ZBBX: variants seen among roughly 807,000 people sequenced by gnomAD.
The protein encoded by ZBBX is zinc finger B-box domain containing, also known as zinc finger B-box domain-containing protein 1.
In ZBBX, 101 loss-of-function variants were observed where a neutral mutation model predicts 108.5. That is an observed-to-expected ratio of 0.93 (90% CI 0.79 to 1.10). The LOEUF (loss-of-function observed/expected upper bound fraction) is 1.10. ZBBX is among the 50% of genes least tolerant of loss of function. ZBBX has a pLI of 0.00. For synonymous variants in ZBBX, 356 were observed against 323.4 expected (o/e 1.10, Z -1.08); for missense variants, 1,009 against 941.4 (o/e 1.07, Z -0.94).
chr3:167,382,586 G>A (rs1747788937), upstream of ZBBX, among the ~76,000 whole-genome samples: 1 of 152,056 alleles, frequency 6.6e-6, no homozygotes, highest in Non-Finnish European at 1.5e-5. Context: ...AGATTTACAT[G>A]ACTCATTTTA....
At chr3:167,392,456 G>A (rs982814045) in intron 1 of ZBBX, among the ~76,000 whole-genome samples, 2 of 151,754 alleles carry the variant, frequency 1.3e-5, no homozygotes, top group Non-Finnish European at 2.9e-5. Context: ...GAATTGCTGA[G>A]TAGTATGGTA....
the ZBBX span, among the ~76,000 whole-genome samples, chr3:167,190,377 C>CTTTTTT: frequency 8.8e-6 from 1 of 113,656 alleles, no homozygotes. Context: ...AACTTACCTA[C>CTTTTTT]TTTTTTTTTT....
rs1741237301 is a variant in ZBBX at position 167,345,277 on chromosome 3, G to A, written c.528+5143C>T. ...CACAAGGTCCTAAAATTTATCAGAA[G>A]ATATGATAGTCGATAGCAACATGGT... On this transcript the variant is annotated intron_variant, in intron 9 of 21. Transcript: ENST00000675490. Among the ~76,000 whole-genome samples the A allele has an allele frequency of 2.0e-5, 3 of 151,912 alleles. No homozygotes were observed. In the South Asian group the frequency reaches 6.2e-4, roughly 31 times the overall value.
chr3:167,266,106 G>A (rs1725412197), intron 20 of ZBBX, among the ~76,000 whole-genome samples: 2 of 152,212 alleles, frequency 1.3e-5, no homozygotes, highest in South Asian at 4.1e-4. Context: ...CCTATGTGTA[G>A]ACAGTTGTTA....
chr3:167,366,353 A>AT (rs1745309956), intron 5 of ZBBX, among the ~76,000 whole-genome samples: 1 of 151,846 alleles, frequency 6.6e-6, no homozygotes, highest in Non-Finnish European at 1.5e-5. Context: ...GCAAACCAAT[A>AT]CCCCAAAATA....
intron 18 of ZBBX, among the ~76,000 whole-genome samples, chr3:167,292,119 C>T (rs1303018766): frequency 6.6e-6 from 1 of 152,106 alleles, no homozygotes; most frequent in East Asian, 1.9e-4. Context: ...GACTTTAACA[C>T]CCCACTATCA....
intron 20 of ZBBX, among the ~76,000 whole-genome samples, chr3:167,266,153 T>TG (rs1272933866): frequency 1.3e-5 from 2 of 152,200 alleles, no homozygotes; most frequent in African/African-American, 4.8e-5. Flanking sequence ...GATGGGTAAA[T>TG]GAATGATGTA....
At chr3:167,398,988 G>C (rs961096984) in intron 1 of ZBBX, among the ~76,000 whole-genome samples, 2 of 150,888 alleles carry the variant, frequency 1.3e-5, no homozygotes, top group Non-Finnish European at 3.0e-5. Context: ...AAAGAACTGA[G>C]CTAACAATTA....
rs1276195264 is a variant in ZBBX at position 167,333,962 on chromosome 3, A to G, written c.552T>C (p.Asn184=). 1 of 1,580,234 alleles carries G rather than the reference A, an allele frequency of 6.3e-7. No individual in the cohort carries two copies. The highest frequency in any genetic ancestry group is 8.6e-7 in the Non-Finnish European group (1 of 1,165,808). ...TAAACTGATGGGCAACATCCAATAC[A>G]TTGAATAATATTTGAGATTTTGCCT... is the stretch of plus-strand genomic sequence containing the variant. ...LLQAKSQILF[N]VLDVAHQFIK... is the part of the protein sequence containing the mutation. The change falls in exon 10 of 22, where the codon AAT becomes AAC. Residue 184 remains asparagine (N), a synonymous_variant. Transcript: ENST00000675490.
intron 8 of ZBBX, among the ~76,000 whole-genome samples, chr3:167,352,300 G>A (rs939707411): frequency 2.6e-5 from 4 of 152,004 alleles, no homozygotes; most frequent in Non-Finnish European, 4.4e-5. Context: ...TGATAAAGGT[G>A]ACATTAAAAC....
chr3:167,325,734 G>T (rs1378813330), intron 11 of ZBBX, among the ~76,000 whole-genome samples: 1 of 152,128 alleles, frequency 6.6e-6, no homozygotes. Flanking sequence ...ATTATTGAGA[G>T]TAATGTTGTA....
chr3:167,330,627 T>G (rs1222808609), intron 10 of ZBBX, among the ~76,000 whole-genome samples: 2 of 151,740 alleles, frequency 1.3e-5, no homozygotes, highest in African/African-American at 4.8e-5. Context: ...CGTGGTGGTA[T>G]GCACTTGTGG....
intron 20 of ZBBX, among the ~76,000 whole-genome samples, chr3:167,268,371 G>A (rs1048017642): frequency 2.6e-5 from 4 of 151,738 alleles, no homozygotes; most frequent in Admixed American, 1.3e-4. Context: ...ATGGTAATTT[G>A]GGAGCGTGAA....
At chr3:167,298,000 A>G (rs1441186478) in intron 18 of ZBBX, among the ~76,000 whole-genome samples, 1 of 152,052 alleles carries the variant, frequency 6.6e-6, no homozygotes, top group Non-Finnish European at 1.5e-5. Flanking sequence ...TACAGCTTGC[A>G]GAACTCTAAG....
Position 167,372,168 on chromosome 3 carries a change from G to A in ZBBX, c.68+666C>T, listed in dbSNP as rs984776045. Among the ~76,000 whole-genome samples the A allele has an allele frequency of 1.1e-4, 17 of 152,174 alleles. 1 individual carries two copies. The highest frequency in any genetic ancestry group is 4.2e-4 in the South Asian group (2 of 4,806). On this transcript the variant is annotated intron_variant, in intron 4 of 21. Coordinates refer to ENST00000675490, the MANE Select transcript of ZBBX (RefSeq NM_001199201.2). ...GGAGGTTGCAGTGAGCCGAGACCGT[G>A]CCAGTGCACTCCAGCCTGGGTGAGG...
the ZBBX span, among the ~76,000 whole-genome samples, chr3:167,219,269 A>G: frequency 6.6e-6 from 1 of 152,068 alleles, no homozygotes; most frequent in Admixed American, 6.6e-5. Context: ...TGCATTATAC[A>G]CCAAATGGAT....
the ZBBX span, among the ~76,000 whole-genome samples, chr3:167,199,025 AAAAC>A: frequency 2.6e-3 from 397 of 152,342 alleles, 2 homozygotes; most frequent in African/African-American, 9.4e-3. Flanking sequence ...GAGAGAAAGA[AAAAC>A]AAATCACTGA....
At chr3:167,219,322 A>G in the ZBBX span, among the ~76,000 whole-genome samples, 1 of 152,076 alleles carries the variant, frequency 6.6e-6, no homozygotes, top group Admixed American at 6.6e-5. Context: ...GGTTACATAC[A>G]GAATACAGAT....
At chr3:167,200,982 T>G in the ZBBX span, among the ~76,000 whole-genome samples, 22 of 152,144 alleles carry the variant, frequency 1.4e-4, no homozygotes, top group Non-Finnish European at 2.8e-4. Flanking sequence ...AGAGAATAAC[T>G]TGACCAATGA....
Sources: gnomAD v4.1 joint callset for allele counts (sites outside exome capture counted in the v4.1 genomes callset) on GRCh38, gnomAD v4.1.1 for gene constraint, MANE v1.5 for transcripts, NCBI Gene and HGNC (gene_info 2026-07-23, HGNC 2026-07-21) for gene names.